NCKAP1: variants seen among roughly 807,000 people sequenced by gnomAD.
NCKAP1 encodes nck-associated protein 1.
NCKAP1 carries 21 observed loss-of-function variants against 151.2 expected under a neutral mutation model. That is an observed-to-expected ratio of 0.14 (90% CI 0.10 to 0.20). NCKAP1 has a LOEUF of 0.20. Ranked by LOEUF, NCKAP1 falls within the 10% of genes least tolerant of loss-of-function variation. The probability of loss-of-function intolerance (pLI) is 1.00; values close to 1 mark genes in which losing one functional copy is unlikely to be tolerated. For synonymous variants in NCKAP1, 484 were observed against 451.8 expected (o/e 1.07, Z -0.90); for missense variants, 933 against 1,352.1 (o/e 0.69, Z 4.86).
At chr2:182,974,259 T>TAAAAAA (rs1173365320) in intron 15 of NCKAP1, among the ~76,000 whole-genome samples, 2 of 63,266 alleles carry the variant, frequency 3.2e-5, no homozygotes, top group African/African-American at 1.2e-4. Context: ...CTGTTGTCAC[T>TAAAAAA]AAAAAAAAAA....
At chr2:183,030,738 A>C (rs1333507019) in intron 1 of NCKAP1, among the ~76,000 whole-genome samples, 2 of 152,242 alleles carry the variant, frequency 1.3e-5, no homozygotes, top group Non-Finnish European at 2.9e-5. Flanking sequence ...ACGTTACCTG[A>C]AATTATGGAA....
At chr2:183,007,589 C>T (rs1200868852) in intron 2 of NCKAP1, among the ~76,000 whole-genome samples, 1 of 152,020 alleles carries the variant, frequency 6.6e-6, no homozygotes, top group African/African-American at 2.4e-5. Context: ...CAATTATTAC[C>T]TTCTATTGTT....
intron 1 of NCKAP1, among the ~76,000 whole-genome samples, chr2:183,027,461 G>A (rs1698919633): frequency 6.6e-6 from 1 of 151,814 alleles, no homozygotes; most frequent in African/African-American, 2.4e-5. Flanking sequence ...GGAATACTTA[G>A]GCAAAAAAGA....
chr2:182,944,489 C>A (rs528148402), intron 23 of NCKAP1, among the ~76,000 whole-genome samples: 5 of 152,054 alleles, frequency 3.3e-5, no homozygotes, highest in Non-Finnish European at 5.9e-5. Context: ...ACGCGCACAA[C>A]CCCAAATAAA....
At position 182,986,187 on chromosome 2, in the gene NCKAP1, C is replaced by T. The variant is rs776043074; in HGVS notation, c.988G>A (p.Ala330Thr). 3.7e-6 allele frequency: 6 copies of T among 1,613,758 alleles called. No homozygotes were observed. The highest frequency in any genetic ancestry group is 5.1e-6 in the Non-Finnish European group (6 of 1,179,778). ...ACTACTCACGCATGTGACACGGCTG[C>T]CTCCTTGCATTCTCTTATGTCATTA... ...RINDIRECKE[A>T]AVSHAGSMHR... Residue 330 changes from alanine to threonine, a missense_variant, in exon 10 of 31, where the codon GCA (alanine) becomes ACA (threonine). Ala to Thr is a moderately conservative substitution (Grantham distance 58). Transcript: ENST00000361354.
chr2:183,020,482 A>AAAG (rs1559109263), intron 2 of NCKAP1, among the ~76,000 whole-genome samples: 24 of 125,076 alleles, frequency 1.9e-4, no homozygotes, highest in African/African-American at 6.5e-4. Flanking sequence ...AAAAAAAAAG[A>AAAG]AAAAAAAGAA....
Position 182,981,372 on chromosome 2 carries a change from T to C in NCKAP1, c.1213A>G (p.Ile405Val), listed in dbSNP as rs866149258. Residue 405 changes from isoleucine to valine, a missense_variant, in exon 13 of 31, where the codon ATT becomes GTT. Ile to Val is a conservative substitution (Grantham distance 29). Around this residue, in one of 2 missense-constraint regions of NCKAP1, gnomAD observed 607 missense variants for 795.0 expected, o/e 0.76. Transcript: ENST00000361354. ...KSADDFIDKH[I>V]AELIFYMEEL... is the part of the protein sequence containing the mutation. ...TCCATGTAAAATATTAATTCAGCAA[T>C]GTGCCTTTTTTAAAATTTCAAGAAA... The C allele has an allele frequency of 2.5e-6, 4 of 1,606,516 alleles. No homozygotes were observed. Among genetic ancestry groups the C allele is most frequent in the African/African-American group, 2.7e-5 (2 of 74,662 alleles).
intron 14 of NCKAP1, among the ~76,000 whole-genome samples, chr2:182,978,569 A>G (rs1422527019): frequency 1.3e-5 from 2 of 152,194 alleles, no homozygotes; most frequent in Non-Finnish European, 2.9e-5. Context: ...GACCAAATAT[A>G]TGATTTGCTA....
At position 183,002,203 on chromosome 2, in the gene NCKAP1, G is replaced by A. The variant is rs199623964; in HGVS notation, c.436C>T (p.Leu146=). The A allele has an allele frequency of 9.5e-6, 15 of 1,584,848 alleles. No individual in the cohort carries two copies. In the East Asian group the frequency reaches 2.0e-4, roughly 21 times the overall value. ...LIITYTTLMI[L]LSRIEERKAI... The stretch of plus-strand genomic sequence containing the variant: ...TTCCTTTCTTCAATTCGAGACAGCA[G>A]TATCATTAGTGTTGTATAGGTTATA... The change falls in exon 5 of 31, where the codon CTG becomes TTG. Residue 146 remains leucine (L), a synonymous_variant. Transcript: ENST00000361354.
chr2:182,917,225 C>A lies in NCKAP1; in HGVS notation c.*8477G>T, dbSNP rs1165041682. The A allele has an allele frequency of 6.6e-6, 1 of 152,180 alleles. No homozygotes were observed. The highest frequency in any genetic ancestry group is 2.4e-5 in the African/African-American group (1 of 41,436). 9.4% of individuals were successfully genotyped at this position (152,180 alleles called of 1,614,324 possible). A position where few individuals can be genotyped will look rare whatever the true frequency, so the allele number is the denominator to read the frequency against. Reference sequence around the variant, plus strand: ...AGTTAAGTAATTTGTCCATAAGTGACAGAGCTGGGATTCAAACCCCAGATT... The same window carrying A: ...AGTTAAGTAATTTGTCCATAAGTGAAAGAGCTGGGATTCAAACCCCAGATT... On this transcript the variant is annotated 3_prime_UTR_variant, in exon 31 of 31. Transcript: ENST00000361354.
intron 19 of NCKAP1, chr2:182,957,128 C>T (rs900087996): frequency 1.6e-5 from 3 of 192,506 alleles, no homozygotes; most frequent in Non-Finnish European, 3.1e-5. Context: ...AAAATAAAGT[C>T]TCCACTATCT....
At chr2:182,966,944 T>C (rs1288379714) in intron 16 of NCKAP1, among the ~76,000 whole-genome samples, 1 of 152,184 alleles carries the variant, frequency 6.6e-6, no homozygotes, top group Non-Finnish European at 1.5e-5. Flanking sequence ...TAAGGTAATT[T>C]GGAGTGACTG....
In NCKAP1 at chr2:182,981,239, T is replaced by A; in HGVS notation, c.1341+5A>T. 6.2e-7 allele frequency: 1 copy of A among 1,612,494 alleles called. No homozygotes were observed. Among genetic ancestry groups the A allele is most frequent in the Non-Finnish European group, 8.5e-7 (1 of 1,179,296 alleles). ...AAAAGGGAAATAGTATGAGATAGTTTTTACCTGCACGAGTTCATTGAGGAC... is the reference window on the plus strand; with the variant it reads ...AAAAGGGAAATAGTATGAGATAGTTATTACCTGCACGAGTTCATTGAGGAC... On this transcript the variant is annotated splice_donor_5th_base_variant and intron_variant, in intron 13 of 30. Coordinates refer to ENST00000361354, the MANE Select transcript of NCKAP1 (RefSeq NM_013436.5).
chr2:182,941,062 T>C (rs1157626699), intron 24 of NCKAP1, among the ~76,000 whole-genome samples: 3 of 152,196 alleles, frequency 2.0e-5, no homozygotes, highest in African/African-American at 7.2e-5. Context: ...TTCTGGATTA[T>C]TTTTTGTTTA....
intron 8 of NCKAP1, among the ~76,000 whole-genome samples, chr2:182,989,664 G>C (rs1231749750): frequency 6.6e-6 from 1 of 151,998 alleles, no homozygotes; most frequent in Non-Finnish European, 1.5e-5. Context: ...GTGAGTCGAG[G>C]TTGCGCCACT....
At chr2:182,941,342 T>C (rs1158383674) in intron 24 of NCKAP1, among the ~76,000 whole-genome samples, 1 of 152,218 alleles carries the variant, frequency 6.6e-6, no homozygotes, top group Non-Finnish European at 1.5e-5. Context: ...AAAGAATCAA[T>C]GTCAAGAAGA....
chr2:182,994,897 A>G lies in NCKAP1; in HGVS notation c.742-10T>C, dbSNP rs1698237955. 1 of 1,593,892 alleles carries G rather than the reference A, an allele frequency of 6.3e-7. No homozygotes were observed. The highest frequency in any genetic ancestry group is 8.6e-7 in the Non-Finnish European group (1 of 1,162,330). The stretch of plus-strand genomic sequence containing the variant: ...GGTATTCACAAGGCATCTTAAAAAG[A>G]GAATATATACATTTGCAGTTAAAAG... On this transcript the variant is annotated splice_polypyrimidine_tract_variant and intron_variant, in intron 7 of 30. Transcript: ENST00000361354.
intron 17 of NCKAP1, among the ~76,000 whole-genome samples, chr2:182,964,302 CTTGT>C (rs1697518761): frequency 6.6e-6 from 1 of 152,054 alleles, no homozygotes; most frequent in African/African-American, 2.4e-5. Context: ...CTCTCTTTGA[CTTGT>C]TTATGCTTAT....
rs529072775 is a variant in NCKAP1, at chr2:183,027,011, C to G, written c.109-3095G>C. Among the ~76,000 whole-genome samples, 19 of 152,282 alleles carry G rather than the reference C, an allele frequency of 1.2e-4. No individual in the cohort carries two copies. The South Asian group carries it at 3.9e-3, about 32-fold the overall frequency. On this transcript the variant is annotated intron_variant, in intron 1 of 30. Transcript: ENST00000361354. ...ATTAAATACAATCCCCTCTCTCAATCAAATATTTCCTTTATTCACTTTAAG... is the reference window on the plus strand; with the variant it reads ...ATTAAATACAATCCCCTCTCTCAATGAAATATTTCCTTTATTCACTTTAAG...
Sources: allele counts gnomAD v4.1 joint callset (sites outside exome capture counted in the v4.1 genomes callset), GRCh38; gene constraint gnomAD v4.1.1; regional missense constraint gnomAD v4.1.1; transcripts MANE v1.5; gene names NCBI Gene and HGNC (gene_info 2026-07-23, HGNC 2026-07-21).